Variants in NARF observed in about 807,000 individuals in gnomAD.
The protein encoded by NARF is nuclear prelamin A recognition factor.
Under a neutral mutation model 48.0 loss-of-function variants are expected in NARF, and 41 were observed. That is an observed-to-expected ratio of 0.85 (90% CI 0.66 to 1.11). The LOEUF (loss-of-function observed/expected upper bound fraction) is 1.11, where lower values mean the gene tolerates loss of function less well. Among genes scored for constraint, NARF ranks in the 50% least tolerant of loss-of-function variants. The probability of loss-of-function intolerance (pLI) is 0.00; values close to 1 mark genes in which losing one functional copy is unlikely to be tolerated. For missense variants in NARF, 613 were observed against 590.2 expected, an observed-to-expected ratio of 1.04 and a Z score of -0.40; for synonymous variants, 215 against 225.5, an observed-to-expected ratio of 0.95 and a Z score of 0.42.
chr17:82,486,330 C>A (rs1395709358), intron 10 of NARF, among the ~76,000 whole-genome samples: 1 of 151,782 alleles, frequency 6.6e-6, no homozygotes, highest in African/African-American at 2.4e-5. Flanking sequence ...ACCTTTGTGC[C>A]ATTGTGAGTC....
At chr17:82,469,023 T>C in intron 4 of NARF, 127 bp downstream of exon 4, 1 of 1,043,452 alleles carries the variant, frequency 9.6e-7, no homozygotes, top group Non-Finnish European at 1.4e-6. Context: ...TCTTGGAACG[T>C]AAAAAGACCA....
chr17:82,467,834 A>T (rs540899363), intron 3 of NARF, among the ~76,000 whole-genome samples: 1 of 152,194 alleles, frequency 6.6e-6, no homozygotes, highest in South Asian at 2.1e-4. Flanking sequence ...GCATCTCTGG[A>T]TACCATTTTA....
In NARF at chr17:82,472,568, G is replaced by A. The variant is rs1344140959; in HGVS notation, c.390G>A (p.Val130=). The A allele has an allele frequency of 1.2e-6, 2 of 1,611,964 alleles. No homozygotes were observed. The highest frequency in any genetic ancestry group is 1.1e-5 in the South Asian group (1 of 90,826). Residue 130 remains valine, a synonymous_variant, in exon 5 of 11, where the codon GTG becomes GTA. Transcript: ENST00000309794. ...ATATGCTCCTCTCTCCTGCAGGGGTGCACTATGTATTTGATACGACGATAG... is the reference window on the plus strand; with the variant it reads ...ATATGCTCCTCTCTCCTGCAGGGGTACACTATGTATTTGATACGACGATAG... ...RLCGFLKSLG[V]HYVFDTTIAA...
intron 5 of NARF, 34 bp downstream of exon 5, chr17:82,472,732 G>C (rs369908873): frequency 6.3e-7 from 1 of 1,590,166 alleles, no homozygotes; most frequent in Non-Finnish European, 8.5e-7. Context: ...GTTGGCCTGA[G>C]GTGCCAAAAG....
At chr17:82,474,996 C>A (rs920218230) in intron 5 of NARF, among the ~76,000 whole-genome samples, 1 of 152,206 alleles carries the variant, frequency 6.6e-6, no homozygotes, top group Non-Finnish European at 1.5e-5. Context: ...GTGGGTGTTA[C>A]ATTCAGCTCT....
rs1337255932 is a variant in NARF, at chr17:82,489,697, G to A, written c.*1540G>A. 6.6e-6 allele frequency: 1 copy of A among 152,348 alleles called. No individual in the cohort carries two copies. The highest frequency in any genetic ancestry group is 1.5e-5 in the Non-Finnish European group (1 of 68,152). 9.4% of individuals were successfully genotyped at this position (152,348 alleles called of 1,614,324 possible). On this transcript the variant is annotated 3_prime_UTR_variant, in exon 11 of 11. Coordinates refer to ENST00000309794, the MANE Select transcript of NARF (RefSeq NM_012336.4). ...CATTCTGGCACTGCACTGTGGGCAT[G>A]AGCTTGCCTTAAAAAGAAAGGAGAG... is the stretch of plus-strand genomic sequence containing the variant.
intron 5 of NARF, among the ~76,000 whole-genome samples, chr17:82,475,460 T>G (rs1401070626): frequency 6.6e-6 from 1 of 151,984 alleles, no homozygotes; most frequent in Non-Finnish European, 1.5e-5. Flanking sequence ...ATTAGCCAGG[T>G]GTGGCGGGCA....
rs531359302 is a variant in NARF, at chr17:82,466,910, C to A, written c.253-1854C>A. ...CCTTCACCATGTTGGCCAGGCTGGT[C>A]TTGAATTCCTGGCTTCAAGTGATCC... On this transcript the variant is annotated intron_variant, in intron 3 of 10. Transcript: ENST00000309794. Among the ~76,000 whole-genome samples the A allele has an allele frequency of 2.6e-5, 4 of 152,096 alleles. No individual in the cohort carries two copies. The South Asian group carries it at 6.2e-4, about 24-fold the overall frequency.
intron 7 of NARF, chr17:82,483,263 G>A: frequency 2.6e-6 from 1 of 387,818 alleles, no homozygotes; most frequent in Admixed American, 3.2e-5. Context: ...AGGTTACAGC[G>A]AGACAAGATT....
intron 5 of NARF, among the ~76,000 whole-genome samples, chr17:82,475,751 C>T (rs1599840743): frequency 6.6e-6 from 1 of 152,178 alleles, no homozygotes; most frequent in African/African-American, 2.4e-5. Flanking sequence ...CCCTACCTAG[C>T]ATTGTGTTCA....
intron 7 of NARF, chr17:82,482,280 G>T (rs1345072917): frequency 4.8e-6 from 2 of 420,228 alleles, no homozygotes; most frequent in Non-Finnish European, 9.4e-6. Context: ...CTCTGGAAAG[G>T]TCCCCACCCC....
At chr17:82,471,154 ACTGT>A (rs2043690582) in intron 4 of NARF, among the ~76,000 whole-genome samples, 1 of 148,452 alleles carries the variant, frequency 6.7e-6, no homozygotes, top group Non-Finnish European at 1.5e-5. Context: ...ACAGAGCATG[ACTGT>A]CTGAAAAAAA....
In NARF at chr17:82,481,957, C is replaced by T. The variant is rs553492737; in HGVS notation, c.769+746C>T. On this transcript the variant is annotated intron_variant, in intron 7 of 10. Transcript: ENST00000309794. ...AGGCACGTTTGCTCCAGTGATATTG[C>T]CTTTACCACGGTATTGGCCACTCCT... 8.8e-5 allele frequency: 28 copies of T among 316,466 alleles called. No individual in the cohort carries two copies. In the East Asian group the frequency reaches 2.9e-3, roughly 32 times the overall value. 19.6% of individuals were successfully genotyped at this position (316,466 alleles called of 1,614,324 possible).
chr17:82,487,788 C>CCAAGGGGA, intron 10 of NARF, 128 bp from the exon 11 acceptor site: 1 of 759,778 alleles, frequency 1.3e-6, no homozygotes, highest in Non-Finnish European at 2.1e-6. Flanking sequence ...CCCTCCCGCC[C>CCAAGGGGA]AATCTCTACA....
Position 82,481,966 on chromosome 17 carries a change from C to T in NARF, c.769+755C>T, listed in dbSNP as rs1393820190. 7 of 306,664 alleles carry T rather than the reference C, an allele frequency of 2.3e-5. No individual in the cohort carries two copies. The East Asian group carries it at 4.7e-4, about 21-fold the overall frequency. The allele number at this position is 306,664 out of a possible 1,614,324, so 19.0% of individuals were successfully genotyped here. On this transcript the variant is annotated intron_variant, in intron 7 of 10. Transcript: ENST00000309794. ...TGCTCCAGTGATATTGCCTTTACCACGGTATTGGCCACTCCTTTCAGATGT... is the reference window on the plus strand; with the variant it reads ...TGCTCCAGTGATATTGCCTTTACCATGGTATTGGCCACTCCTTTCAGATGT...
At chr17:82,471,053 C>T (rs2043688076) in intron 4 of NARF, among the ~76,000 whole-genome samples, 1 of 151,624 alleles carries the variant, frequency 6.6e-6, no homozygotes, top group Non-Finnish European at 1.5e-5. Flanking sequence ...ATCCCAGCTA[C>T]TCGGGAGGCT....
chr17:82,481,864 C>T, intron 7 of NARF: 1 of 348,906 alleles, frequency 2.9e-6, no homozygotes, highest in Non-Finnish European at 5.6e-6. Context: ...TAGCGGGTCT[C>T]CTAATCACAA....
At chr17:82,464,171 C>T in intron 2 of NARF, 116 bp from the exon 3 acceptor site, 6 of 1,362,482 alleles carry the variant, frequency 4.4e-6, no homozygotes, top group Non-Finnish European at 5.0e-6. Context: ...CAGGCCTGGA[C>T]CCTGGTATTA....
chr17:82,484,525 C>T (rs1258574111), intron 8 of NARF: 5 of 272,396 alleles, frequency 1.8e-5, no homozygotes, highest in Non-Finnish European at 3.5e-5. Flanking sequence ...AGAACAAGAC[C>T]CTGTCTCCAA....
Sources: allele counts gnomAD v4.1 joint callset (sites outside exome capture counted in the v4.1 genomes callset), GRCh38; gene constraint gnomAD v4.1.1; transcripts MANE v1.5; gene names NCBI Gene and HGNC (gene_info 2026-07-23, HGNC 2026-07-21).